MYO6: variants seen among roughly 807,000 people sequenced by gnomAD.
MYO6 encodes the protein unconventional myosin-VI.
Under a neutral mutation model 178.7 loss-of-function variants are expected in MYO6, and 74 were observed. The observed-to-expected ratio is 0.41, with a 90% CI of 0.34 to 0.50. The LOEUF (loss-of-function observed/expected upper bound fraction) is 0.50. Ranked by LOEUF, MYO6 falls within the 20% of genes least tolerant of loss-of-function variation. The pLI, the probability that MYO6 is intolerant of heterozygous loss-of-function variation, is 0.09. For synonymous variants in MYO6, 477 were observed against 504.6 expected (o/e 0.95, Z 0.73); for missense variants, 1,330 against 1,547.4 (o/e 0.86, Z 2.36).
chr6:75,828,777 C>T (rs945509638), intron 4 of MYO6, among the ~76,000 whole-genome samples, 164 bp downstream of exon 4: 3 of 152,106 alleles, frequency 2.0e-5, no homozygotes, highest in Admixed American at 2.0e-4. Flanking sequence ...TTCTAATTTA[C>T]AACTCGAACT....
At chr6:75,894,878 A>T in intron 28 of MYO6, 1 of 1,321,336 alleles carries the variant, frequency 7.6e-7, no homozygotes, top group Non-Finnish European at 1.0e-6. Context: ...ATGTTCTGAA[A>T]TATAATTTCA....
At chr6:75,853,324 A>G (rs1278162567) in intron 11 of MYO6, among the ~76,000 whole-genome samples, 1 of 152,048 alleles carries the variant, frequency 6.6e-6, no homozygotes, top group Non-Finnish European at 1.5e-5. Context: ...TTGAAACTCA[A>G]ATTTTTATTT....
chr6:75,753,455 G>GTGTGTGTGTGTA (rs370647728), intron 1 of MYO6, among the ~76,000 whole-genome samples: 8 of 140,040 alleles, frequency 5.7e-5, no homozygotes, highest in African/African-American at 2.2e-4. Context: ...GTGTGTGTGT[G>GTGTGTGTGTGTA]TATATATATA....
intron 16 of MYO6, among the ~76,000 whole-genome samples, chr6:75,864,891 A>G (rs544390204): frequency 2.2e-4 from 33 of 152,280 alleles, no homozygotes; most frequent in African/African-American, 7.9e-4. Flanking sequence ...TGTGTATGCT[A>G]CAGATGAGAC....
intron 1 of MYO6, among the ~76,000 whole-genome samples, chr6:75,776,962 C>T (rs1169074204): frequency 6.6e-6 from 1 of 152,132 alleles, no homozygotes; most frequent in African/African-American, 2.4e-5. Context: ...TTGCATGACT[C>T]TCTGTCCAGA....
intron 10 of MYO6, among the ~76,000 whole-genome samples, chr6:75,847,253 T>G (rs1774811401): frequency 6.6e-6 from 1 of 152,166 alleles, no homozygotes; most frequent in Non-Finnish European, 1.5e-5. Context: ...CTTAGATATT[T>G]TCCAGAAATG....
At chr6:75,821,876 T>G (rs1771909626) in intron 2 of MYO6, among the ~76,000 whole-genome samples, 1 of 152,190 alleles carries the variant, frequency 6.6e-6, no homozygotes, top group South Asian at 2.1e-4. Flanking sequence ...AATTCTGCAG[T>G]GTTACTCTAG....
intron 6 of MYO6, 22 bp downstream of exon 6, chr6:75,832,969 A>G (rs1354460905): frequency 6.7e-7 from 1 of 1,499,112 alleles, no homozygotes; most frequent in Non-Finnish European, 9.3e-7. Flanking sequence ...GCTAACTTGA[A>G]GTATTTGAGT....
chr6:75,909,319 CTGGAAAAAGAAAGGAAT>C (rs1780588027), intron 32 of MYO6, among the ~76,000 whole-genome samples: 1 of 152,090 alleles, frequency 6.6e-6, no homozygotes. Context: ...GGGTTATAGC[CTGGAAAAAGAAAGGAAT>C]TGATTCATGC....
At chr6:75,793,563 C>G (rs1445370930) in intron 1 of MYO6, among the ~76,000 whole-genome samples, 2 of 151,554 alleles carry the variant, frequency 1.3e-5, no homozygotes, top group African/African-American at 4.9e-5. Context: ...AAGATCGTAC[C>G]ACTACCCTCC....
chr6:75,832,981 G>C, intron 6 of MYO6, 34 bp downstream of exon 6: 8 of 1,460,650 alleles, frequency 5.5e-6, no homozygotes, highest in Non-Finnish European at 7.7e-6. Flanking sequence ...TATTTGAGTA[G>C]GTTGATCTTT....
intron 1 of MYO6, among the ~76,000 whole-genome samples, chr6:75,758,521 T>C (rs987888151): frequency 2.0e-5 from 3 of 151,582 alleles, no homozygotes; most frequent in East Asian, 2.0e-4. Context: ...AGTGCAGTGT[T>C]GCCATCTCAG....
chr6:75,765,351 A>G (rs1778326688), intron 1 of MYO6, among the ~76,000 whole-genome samples: 1 of 151,242 alleles, frequency 6.6e-6, no homozygotes, highest in African/African-American at 2.4e-5. Flanking sequence ...TAATTTTTGT[A>G]TTTTTAGTAG....
At chr6:75,750,522 A>G (rs932687808) in intron 1 of MYO6, among the ~76,000 whole-genome samples, 3 of 151,174 alleles carry the variant, frequency 2.0e-5, no homozygotes, top group African/African-American at 4.9e-5. Flanking sequence ...TACGGGCTAA[A>G]TAAGCCTCAT....
In MYO6 at chr6:75,857,110, G is replaced by T; in HGVS notation, c.1237G>T (p.Val413Leu). 1.2e-6 allele frequency: 2 copies of T among 1,613,940 alleles called. No homozygotes were observed. Among genetic ancestry groups the T allele is most frequent in the Non-Finnish European group, 8.5e-7 (1 of 1,179,902 alleles). The part of the protein sequence containing the change: ...KGTVIKVPLK[V>L]EQANNARDAL... Reference sequence around the variant, plus strand: ...TTTCTTTTATAGGGTACCTCTGAAAGTGGAGCAAGCAAACAATGCTCGTGA... The same window carrying T: ...TTTCTTTTATAGGGTACCTCTGAAATTGGAGCAAGCAAACAATGCTCGTGA... The change falls in exon 13 of 35, where the codon GTG (valine) becomes TTG (leucine). Residue 413 changes from valine (V) to leucine (L), a missense_variant. By Grantham distance (32) the Val-to-Leu change is conservative. Coordinates refer to ENST00000369977, the MANE Select transcript of MYO6 (RefSeq NM_004999.4).
chr6:75,813,626 G>C (rs1309267357), intron 1 of MYO6, among the ~76,000 whole-genome samples: 4 of 152,148 alleles, frequency 2.6e-5, no homozygotes, highest in Non-Finnish European at 5.9e-5. Flanking sequence ...GGCCACCACA[G>C]CTGGGAATGT....
At chr6:75,753,455 G>GTGTGTATATA (rs370647728) in intron 1 of MYO6, among the ~76,000 whole-genome samples, 66 of 140,036 alleles carry the variant, frequency 4.7e-4, no homozygotes, top group African/African-American at 1.6e-3. Flanking sequence ...GTGTGTGTGT[G>GTGTGTATATA]TATATATATA....
intron 25 of MYO6, among the ~76,000 whole-genome samples, chr6:75,887,984 AAAT>A (rs1378786412): frequency 6.7e-6 from 1 of 148,374 alleles, no homozygotes; most frequent in African/African-American, 2.5e-5. Context: ...GTCTCAAAAA[AAAT>A]AAATAAATAA....
At chr6:75,883,616 C>T (rs1312727856) in intron 23 of MYO6, among the ~76,000 whole-genome samples, 1 of 152,122 alleles carries the variant, frequency 6.6e-6, no homozygotes, top group African/African-American at 2.4e-5. Flanking sequence ...ACATACTGGG[C>T]TAAGCTGCTT....
Sources: allele counts gnomAD v4.1 joint callset (sites outside exome capture counted in the v4.1 genomes callset), GRCh38; gene constraint gnomAD v4.1.1; transcripts MANE v1.5; gene names NCBI Gene and HGNC (gene_info 2026-07-23, HGNC 2026-07-21).